The following LMTK2 variants were observed in gnomAD, a reference collection of about 807,000 sequenced individuals.
The protein encoded by LMTK2 is serine/threonine-protein kinase LMTK2.
A neutral mutation model predicts 127.5 loss-of-function variants in LMTK2; 37 were observed. The observed-to-expected ratio is 0.29, with a 90% CI of 0.22 to 0.38. The LOEUF (loss-of-function observed/expected upper bound fraction) is 0.38, where lower values mean the gene tolerates loss of function less well. LMTK2 is among the 10% of genes least tolerant of loss of function. The pLI is 1.00. For synonymous variants in LMTK2, 819 were observed against 810.1 expected (o/e 1.01, Z -0.19); for missense variants, 1,694 against 1,920.3 (o/e 0.88, Z 2.20).
chr7:98,158,924 G>A (rs2116400368), intron 5 of LMTK2, among the ~76,000 whole-genome samples: 1 of 152,164 alleles, frequency 6.6e-6, no homozygotes, highest in South Asian at 2.1e-4. Context: ...CAGGCATGGT[G>A]GCACGTGCCT....
chr7:98,176,514 A>T (rs1185589012), intron 7 of LMTK2, among the ~76,000 whole-genome samples: 2 of 152,146 alleles, frequency 1.3e-5, no homozygotes, highest in Admixed American at 6.5e-5. Context: ...ATCAGTTTAA[A>T]AATAATAGGC....
chr7:98,187,001 A>G lies in LMTK2; in HGVS notation c.998+3A>G, dbSNP rs758517544. The G allele has an allele frequency of 6.2e-7, 1 of 1,607,516 alleles. No individual in the cohort carries two copies. The highest frequency in any genetic ancestry group is 2.2e-5 in the East Asian group (1 of 44,810). The stretch of plus-strand genomic sequence containing the variant: ...CAGACTAAGTATAGTAATATCTGGT[A>G]CGTATTGGCTTACCGTTTTATTAGT... On this transcript the variant is annotated splice_donor_region_variant and intron_variant, in intron 9 of 13. Transcript: ENST00000297293.
At chr7:98,154,582 T>A (rs145637391) in intron 4 of LMTK2, among the ~76,000 whole-genome samples, 176 bp from the exon 5 acceptor site, 1 of 152,338 alleles carries the variant, frequency 6.6e-6, no homozygotes, top group African/African-American at 2.4e-5. Context: ...AATGGTCCTT[T>A]TACTGAAGAA....
In LMTK2 at chr7:98,194,361, G is replaced by A. The variant is rs375670321; in HGVS notation, c.3896G>A (p.Arg1299Gln). 8 of 1,614,016 alleles carry A rather than the reference G, an allele frequency of 5.0e-6. No homozygotes were observed. Among genetic ancestry groups the A allele is most frequent in the African/African-American group, 2.7e-5 (2 of 74,910 alleles). Residue 1299 changes from arginine (R) to glutamine (Q), a missense_variant, in exon 11 of 14, where the codon CGG becomes CAG. Arg to Gln is a conservative substitution (Grantham distance 43, BLOSUM62 1). This residue lies in a region of LMTK2 where 554 missense variants were observed against 567.7 expected (regional missense o/e 0.98). Transcript: ENST00000297293. This position sits in a 1 kb window ranked among gnomAD's most constrained non-coding sequence, Gnocchi z 5.4. ...ENSDDSDEDL[R>Q]AFNLHSLSSE... ...AGCGACGACTCGGACGAGGACCTGCGGGCCTTCAACCTGCATAGCCTCAGC... is the reference window on the plus strand; with the variant it reads ...AGCGACGACTCGGACGAGGACCTGCAGGCCTTCAACCTGCATAGCCTCAGC...
chr7:98,119,691 C>CAGCT (rs1796335875), intron 1 of LMTK2, among the ~76,000 whole-genome samples: 1 of 152,102 alleles, frequency 6.6e-6, no homozygotes, highest in Admixed American at 6.5e-5. Flanking sequence ...CAGCTCACTG[C>CAGCT]AGCTAGAGTC....
chr7:98,197,614 A>G (rs1797643828), intron 11 of LMTK2, among the ~76,000 whole-genome samples: 1 of 152,218 alleles, frequency 6.6e-6, no homozygotes, highest in Non-Finnish European at 1.5e-5. Context: ...ACATTTTGGA[A>G]AGCTGAGGCA....
chr7:98,128,430 G>C (rs1443409097), intron 1 of LMTK2, among the ~76,000 whole-genome samples: 1 of 152,190 alleles, frequency 6.6e-6, no homozygotes, highest in Non-Finnish European at 1.5e-5. Context: ...CAAGGAGAGA[G>C]GCCTCAGGAG....
chr7:98,190,897 G>A lies in LMTK2; in HGVS notation c.1148+20G>A, dbSNP rs369272532. ...TAGATGGTTGGTAGCCTCACATTCC[G>A]CCTGTTCTGTTTCGTCTTCACTGTG... On this transcript the variant is annotated intron_variant, in intron 10 of 13. Transcript: ENST00000297293. The A allele has an allele frequency of 2.4e-5, 39 of 1,611,364 alleles. No individual in the cohort carries two copies. The highest frequency in any genetic ancestry group is 5.3e-5 in the African/African-American group (4 of 74,838).
At position 98,106,951 on chromosome 7, in the gene LMTK2, G is replaced by T; in HGVS notation, c.-227G>T. On this transcript the variant is annotated 5_prime_UTR_variant, in exon 1 of 14. Coordinates refer to ENST00000297293, the MANE Select transcript of LMTK2 (RefSeq NM_014916.4). The stretch of plus-strand genomic sequence containing the variant: ...CTGCTGGCGTTGCTGCTGTTGAGAG[G>T]CGGCGGCGGCGGCGCAGGCGGGCGG... 2.2e-6 allele frequency: 1 copy of T among 455,790 alleles called. No homozygotes were observed. Among genetic ancestry groups the T allele is most frequent in the Non-Finnish European group, 3.9e-6 (1 of 257,356 alleles). The allele number at this position is 455,790 out of a possible 1,614,324, so 28.2% of individuals were successfully genotyped here.
rs1797592512 is a variant in LMTK2 at position 98,194,337 on chromosome 7, G to A, written c.3872G>A (p.Ser1291Asn). The A allele has an allele frequency of 6.2e-7, 1 of 1,614,128 alleles. No homozygotes were observed. The highest frequency in any genetic ancestry group is 8.5e-7 in the Non-Finnish European group (1 of 1,180,000). ...GATGCAGACGAGGAGGACGAAAACA[G>A]CGACGACTCGGACGAGGACCTGCGG... is the stretch of plus-strand genomic sequence containing the variant. Reference protein sequence around the residue: ...GMDADEEDENSDDSDEDLRAF... With the variant: ...GMDADEEDENNDDSDEDLRAF... The change falls in exon 11 of 14, where the codon AGC becomes AAC. Residue 1291 changes from serine (S) to asparagine (N), a missense_variant. Coordinates refer to ENST00000297293, the MANE Select transcript of LMTK2 (RefSeq NM_014916.4). This position sits in a 1 kb window ranked among gnomAD's most constrained non-coding sequence, Gnocchi z 5.4.
Position 98,106,912 on chromosome 7 carries a change from G to A in LMTK2, c.-266G>A, listed in dbSNP as rs1216212928. ...GGCGGGAGCGCGGCTTCCCAGGCCC[G>A]CCGCTCCGCAGGGCTGCTGGCGTTG... On this transcript the variant is annotated 5_prime_UTR_variant, in exon 1 of 14. Transcript: ENST00000297293. The A allele has an allele frequency of 4.5e-6, 2 of 447,278 alleles. No individual in the cohort carries two copies. The highest frequency in any genetic ancestry group is 7.1e-5 in the East Asian group (2 of 28,130). 27.7% of individuals were successfully genotyped at this position (447,278 alleles called of 1,614,324 possible).
chr7:98,112,762 AAAAG>A (rs767060948), intron 1 of LMTK2, among the ~76,000 whole-genome samples: 7 of 152,354 alleles, frequency 4.6e-5, no homozygotes, highest in South Asian at 4.1e-4. Context: ...GGGCTTTGAA[AAAAG>A]AAAGAAGAAA....
At chr7:98,150,126 G>A (rs1191042227) in intron 3 of LMTK2, among the ~76,000 whole-genome samples, 5 of 152,018 alleles carry the variant, frequency 3.3e-5, no homozygotes, top group Non-Finnish European at 7.4e-5. Context: ...TGGTCAATAT[G>A]GTGAAACCCT....
chr7:98,124,867 G>A (rs1796421001), intron 1 of LMTK2, among the ~76,000 whole-genome samples: 1 of 152,156 alleles, frequency 6.6e-6, no homozygotes, highest in African/African-American at 2.4e-5. Context: ...GAAGAGTTTA[G>A]AATACTGCCT....
intron 6 of LMTK2, among the ~76,000 whole-genome samples, chr7:98,159,784 A>T (rs967541137): frequency 1.3e-5 from 2 of 152,210 alleles, no homozygotes; most frequent in Non-Finnish European, 2.9e-5. Flanking sequence ...TGCCCTCCTA[A>T]GAGCGTGAAC....
Position 98,204,182 on chromosome 7 carries a change from G to A in LMTK2, c.4479G>A (p.Gln1493=). The A allele has an allele frequency of 6.2e-7, 1 of 1,605,970 alleles. No individual in the cohort carries two copies. The highest frequency in any genetic ancestry group is 8.5e-7 in the Non-Finnish European group (1 of 1,179,966). ...ACCTGACCGACTCGGACATCGAGCAGGGCGGTGAGAGGCGCTGCGTGCTGG... is the reference window on the plus strand; with the variant it reads ...ACCTGACCGACTCGGACATCGAGCAAGGCGGTGAGAGGCGCTGCGTGCTGG... ...LTHLTDSDIE[Q]GGSSEDGEKD The change falls in exon 13 of 14, where the codon CAG becomes CAA. Residue 1493 remains glutamine, a synonymous_variant. Transcript: ENST00000297293.
intron 11 of LMTK2, among the ~76,000 whole-genome samples, chr7:98,195,837 TC>T (rs1425347715): frequency 6.6e-6 from 1 of 152,184 alleles, no homozygotes; most frequent in Non-Finnish European, 1.5e-5. Flanking sequence ...TCTTTAAAAA[TC>T]GTTAAATCAC....
chr7:98,190,925 G>T (rs533001343), intron 10 of LMTK2, 48 bp downstream of exon 10: 3 of 1,581,014 alleles, frequency 1.9e-6, no homozygotes, highest in South Asian at 1.1e-5. Context: ...TCACTGTGAG[G>T]TGTCCCCAAA....
intron 7 of LMTK2, 42 bp from the exon 8 acceptor site, chr7:98,185,009 T>A: frequency 2.9e-6 from 4 of 1,402,554 alleles, no homozygotes; most frequent in Non-Finnish European, 4.0e-6. Context: ...ATGATCCTGG[T>A]TGTTGATTCT....
Sources: gnomAD v4.1 joint callset for allele counts (sites outside exome capture counted in the v4.1 genomes callset) on GRCh38, gnomAD v4.1.1 for gene constraint, gnomAD v4.1.1 regional missense constraint, Gnocchi (gnomAD v3.1) non-coding constraint, MANE v1.5 for transcripts, NCBI Gene and HGNC (gene_info 2026-07-23, HGNC 2026-07-21) for gene names.